The following CALN1 variants were observed in gnomAD, a reference collection of about 807,000 sequenced individuals.
CALN1 encodes calcium-binding protein 8.
CALN1 carries 17 observed loss-of-function variants against 30.6 expected under a neutral mutation model. That is an observed-to-expected ratio of 0.56 (90% CI 0.38 to 0.83). The LOEUF (loss-of-function observed/expected upper bound fraction) is 0.83, where lower values mean the gene tolerates loss of function less well. CALN1 is among the 40% of genes least tolerant of loss of function. CALN1 has a pLI of 0.00. For missense variants in CALN1, 291 were observed against 354.9 expected, an observed-to-expected ratio of 0.82 and a Z score of 1.45; for synonymous variants, 156 against 131.4, an observed-to-expected ratio of 1.19 and a Z score of -1.28.
intron 5 of CALN1, among the ~76,000 whole-genome samples, chr7:71,894,209 T>C (rs1374202568): frequency 5.3e-5 from 8 of 152,192 alleles, no homozygotes. Context: ...CTGGACCTAT[T>C]ATACTGTTGA....
intron 3 of CALN1, among the ~76,000 whole-genome samples, chr7:72,214,834 A>C (rs529127): frequency 0.52 from 78,018 of 151,194 alleles, 22,414 homozygotes; most frequent in East Asian, 0.99. Context: ...GGAGCACAAA[A>C]CCTACTGTGA....
chr7:72,451,186 AGG>A (rs1808648938), upstream of CALN1, among the ~76,000 whole-genome samples: 1 of 131,264 alleles, frequency 7.6e-6, no homozygotes, highest in African/African-American at 3.4e-5. Flanking sequence ...GAGCAGGAGG[AGG>A]AGAAGAAGAA....
chr7:72,322,963 A>T (rs1323343417), intron 2 of CALN1, among the ~76,000 whole-genome samples: 1 of 151,476 alleles, frequency 6.6e-6, no homozygotes, highest in Non-Finnish European at 1.5e-5. Context: ...TAAATAAATA[A>T]ATATCCTGGG....
the CALN1 span, among the ~76,000 whole-genome samples, chr7:72,466,876 AGGAAAGAAAGAAAAGAAAAAGAAAG>A: frequency 6.6e-6 from 1 of 151,010 alleles, no homozygotes; most frequent in Admixed American, 6.6e-5. Flanking sequence ...AAAAGAAAGA[AGGAAAGAAAGAAAAGAAAAAGAAAG>A]AGAAAGAAAG....
chr7:72,138,177 G>A (rs960033521), intron 3 of CALN1, among the ~76,000 whole-genome samples: 15 of 152,070 alleles, frequency 9.9e-5, no homozygotes, highest in African/African-American at 3.6e-4. Flanking sequence ...GGCTTAACCT[G>A]TCAAAACATG....
chr7:71,851,619 C>T (rs2116593298), intron 5 of CALN1, among the ~76,000 whole-genome samples: 1 of 152,028 alleles, frequency 6.6e-6, no homozygotes. Flanking sequence ...CACCAACAGC[C>T]ACACATTAAA....
At chr7:72,279,228 G>A (rs1327723859) in intron 2 of CALN1, among the ~76,000 whole-genome samples, 1 of 152,148 alleles carries the variant, frequency 6.6e-6, no homozygotes, top group Non-Finnish European at 1.5e-5. Flanking sequence ...TAGATGTCTT[G>A]TCTGTGATCA....
chr7:71,987,082 C>T (rs1167565297), intron 5 of CALN1, among the ~76,000 whole-genome samples: 4 of 151,606 alleles, frequency 2.6e-5, no homozygotes, highest in South Asian at 2.1e-4. Context: ...GCCGAGATCC[C>T]GCTACTGCAC....
chr7:72,208,346 A>G (rs1792045363), intron 3 of CALN1, among the ~76,000 whole-genome samples: 1 of 152,238 alleles, frequency 6.6e-6, no homozygotes, highest in Non-Finnish European at 1.5e-5. Flanking sequence ...GTGGTTTCTA[A>G]TAAGTTTGGT....
intron 5 of CALN1, among the ~76,000 whole-genome samples, chr7:71,855,941 T>A (rs1790920493): frequency 6.6e-6 from 1 of 152,178 alleles, no homozygotes; most frequent in Non-Finnish European, 1.5e-5. Flanking sequence ...AAGGCACTTT[T>A]TCAACTGATA....
chr7:72,273,669 C>G (rs537154423), intron 3 of CALN1, among the ~76,000 whole-genome samples: 1 of 151,820 alleles, frequency 6.6e-6, no homozygotes, highest in Non-Finnish European at 1.5e-5. Flanking sequence ...CAGGCATGCA[C>G]CAACACATCC....
At chr7:72,153,421 G>A (rs2129544322) in intron 3 of CALN1, among the ~76,000 whole-genome samples, 2 of 152,090 alleles carry the variant, frequency 1.3e-5, no homozygotes, top group Admixed American at 1.3e-4. Context: ...GCTCACTCCT[G>A]TAATCCCAGC....
At chr7:72,327,805 T>TA (rs1005969485) in intron 2 of CALN1, among the ~76,000 whole-genome samples, 1 of 152,184 alleles carries the variant, frequency 6.6e-6, no homozygotes, top group Non-Finnish European at 1.5e-5. Context: ...CTCTGAATAC[T>TA]AAAAAGGCAA....
the CALN1 span, among the ~76,000 whole-genome samples, chr7:72,472,299 T>C: frequency 6.6e-6 from 1 of 152,210 alleles, no homozygotes; most frequent in African/African-American, 2.4e-5. Context: ...AGTGGATGAA[T>C]GCATGGTCAA....
chr7:72,043,672 G>A (rs1444940619), intron 4 of CALN1, among the ~76,000 whole-genome samples: 1 of 152,150 alleles, frequency 6.6e-6, no homozygotes, highest in East Asian at 1.9e-4. Flanking sequence ...TCTGGAGGTC[G>A]AGGCAGAAGG....
At chr7:71,924,426 A>C (rs914307092) in intron 5 of CALN1, among the ~76,000 whole-genome samples, 3 of 145,062 alleles carry the variant, frequency 2.1e-5, no homozygotes, top group Non-Finnish European at 3.1e-5. Context: ...ATACAAAAGA[A>C]TGTTTATATA....
intron 5 of CALN1, among the ~76,000 whole-genome samples, chr7:71,928,205 G>A (rs1795366494): frequency 6.6e-6 from 1 of 152,152 alleles, no homozygotes; most frequent in South Asian, 2.1e-4. Context: ...CCCTGTAAGT[G>A]GGCGCAAGCC....
chr7:72,041,506 C>T (rs1352020318), intron 4 of CALN1, among the ~76,000 whole-genome samples: 4 of 152,142 alleles, frequency 2.6e-5, no homozygotes, highest in Non-Finnish European at 5.9e-5. Context: ...GCCTCAGCCT[C>T]CCAAGTAGCT....
chr7:72,425,260 C>T (rs545867493), intron 1 of CALN1, among the ~76,000 whole-genome samples: 1 of 152,148 alleles, frequency 6.6e-6, no homozygotes, highest in Non-Finnish European at 1.5e-5. Flanking sequence ...ATTACAGGCA[C>T]GTGCCACCAC....
Sources: allele counts gnomAD v4.1 joint callset (sites outside exome capture counted in the v4.1 genomes callset), GRCh38; gene constraint gnomAD v4.1.1; transcripts MANE v1.5; gene names NCBI Gene and HGNC (gene_info 2026-07-23, HGNC 2026-07-21).